Variants in TTLL7 observed in about 807,000 individuals in gnomAD.
The protein encoded by TTLL7 is tubulin tyrosine ligase like 7, also known as tubulin polyglutamylase TTLL7.
A neutral mutation model predicts 120.2 loss-of-function variants in TTLL7; 53 were observed. That is an observed-to-expected ratio of 0.44 (90% CI 0.35 to 0.55). The LOEUF (loss-of-function observed/expected upper bound fraction) is 0.55. Among genes scored for constraint, TTLL7 ranks in the 20% least tolerant of loss-of-function variants. The pLI is 0.00. For missense variants in TTLL7, 803 were observed against 1,054.7 expected (o/e 0.76, Z 3.31); for synonymous variants, 353 against 351.7 (o/e 1.00, Z -0.04).
At position 83,921,361 on chromosome 1, in the gene TTLL7, T is replaced by G; in HGVS notation, c.1176A>C (p.Gln392His). 1 of 1,611,886 alleles carries G rather than the reference T, an allele frequency of 6.2e-7. No homozygotes were observed. Residue 392 changes from glutamine to histidine, a missense_variant, in exon 11 of 21, where the codon CAA (glutamine) becomes CAC (histidine). Gln to His is a conservative substitution (Grantham distance 24). This residue lies in a region of TTLL7 where 324 missense variants were observed against 507.7 expected (regional missense o/e 0.64). Coordinates refer to ENST00000260505, the MANE Select transcript of TTLL7 (RefSeq NM_024686.6). The stretch of plus-strand genomic sequence containing the variant: ...AGAGCCTCCTTTGAGCCTCAGCTTT[T>G]TGTTTGGCCAAGTTTCTTCTTTTGT... ...TSDKRRNLAK[Q>H]KAEAQRRLYG...
rs1659785263 is a variant in TTLL7, at chr1:83,933,640, A to G, written c.1015T>C (p.Leu339=). 1 of 1,613,600 alleles carries G rather than the reference A, an allele frequency of 6.2e-7. No individual in the cohort carries two copies. Among genetic ancestry groups the G allele is most frequent in the Non-Finnish European group, 8.5e-7 (1 of 1,179,718 alleles). The change falls in exon 9 of 21, where the codon TTG becomes CTG. Residue 339 remains leucine (L), a synonymous_variant. Coordinates refer to ENST00000260505, the MANE Select transcript of TTLL7 (RefSeq NM_024686.6). ...AGCCATGGCTTTAGTTTTCTATCCA[A>G]CAAAATATCAAATCCCAGGACTTCA... ...CFEVLGFDIL[L]DRKLKPWLLE...
At chr1:83,971,003 G>T (rs948667837) in intron 1 of TTLL7, among the ~76,000 whole-genome samples, 1 of 151,990 alleles carries the variant, frequency 6.6e-6, no homozygotes, top group Non-Finnish European at 1.5e-5. Context: ...TCTTCTGGGA[G>T]GGGGAAGGGA....
At position 83,883,075 on chromosome 1, in the gene TTLL7, A is replaced by G; in HGVS notation, c.2431T>C (p.Cys811Arg). The G allele has an allele frequency of 6.2e-7, 1 of 1,612,432 alleles. No individual in the cohort carries two copies. Among genetic ancestry groups the G allele is most frequent in the Non-Finnish European group, 8.5e-7 (1 of 1,179,082 alleles). Residue 811 changes from cysteine to arginine, a missense_variant, in exon 20 of 21, where the codon TGT becomes CGT. This residue lies in a region of TTLL7 where 388 missense variants were observed against 450.4 expected (regional missense o/e 0.86). Transcript: ENST00000260505. Reference sequence around the variant, plus strand: ...CAAAGCTCCACTAGGCGCTGGCAACACTGGAGCTGCAAAGGAGTCACCACC... The same window carrying G: ...CAAAGCTCCACTAGGCGCTGGCAACGCTGGAGCTGCAAAGGAGTCACCACC... ...PEVVTPLQLQCCQRLVELCKQ... is the reference protein window; with the variant it reads ...PEVVTPLQLQRCQRLVELCKQ...
chr1:83,990,899 T>C (rs1652934590), intron 1 of TTLL7, among the ~76,000 whole-genome samples: 2 of 152,182 alleles, frequency 1.3e-5, no homozygotes, highest in South Asian at 4.1e-4. Context: ...TGCATGCCCA[T>C]GTTCATAGAA....
intron 20 of TTLL7, among the ~76,000 whole-genome samples, chr1:83,871,336 A>C (rs1288688141): frequency 6.6e-6 from 1 of 152,188 alleles, no homozygotes; most frequent in Non-Finnish European, 1.5e-5. Flanking sequence ...TTTCCTGTGA[A>C]AAATCTTGAC....
chr1:83,909,801 T>A (rs531391001), intron 15 of TTLL7, among the ~76,000 whole-genome samples: 1 of 152,074 alleles, frequency 6.6e-6, no homozygotes, highest in African/African-American at 2.4e-5. Flanking sequence ...TCATCCCCCA[T>A]CAGTTCATGC....
At chr1:83,934,064 CAG>C (rs767125489) in intron 8 of TTLL7, among the ~76,000 whole-genome samples, 6 of 152,264 alleles carry the variant, frequency 3.9e-5, no homozygotes, top group African/African-American at 4.8e-5. Context: ...CTTAGACATT[CAG>C]AGAGGCCTTC....
At chr1:83,970,718 C>T (rs908248851) in intron 1 of TTLL7, among the ~76,000 whole-genome samples, 5 of 152,000 alleles carry the variant, frequency 3.3e-5, no homozygotes, top group African/African-American at 9.7e-5. Context: ...CAGAAATAAA[C>T]CTTGATATGA....
intron 1 of TTLL7, among the ~76,000 whole-genome samples, chr1:83,961,527 C>G (rs1650018585): frequency 6.6e-6 from 1 of 152,004 alleles, no homozygotes; most frequent in Non-Finnish European, 1.5e-5. Context: ...AGCATACCTT[C>G]AAGGCATTTT....
At chr1:83,889,874 A>AT in intron 19 of TTLL7, 4 of 456,180 alleles carry the variant, frequency 8.8e-6, no homozygotes, top group South Asian at 6.2e-5. Flanking sequence ...TGACTGAGAG[A>AT]ATAATAATAG....
At chr1:83,894,759 T>C (rs1248149123) in intron 18 of TTLL7, among the ~76,000 whole-genome samples, 1 of 152,062 alleles carries the variant, frequency 6.6e-6, no homozygotes, top group African/African-American at 2.4e-5. Context: ...ATTTCCCAGA[T>C]TGGTGAGACT....
chr1:83,904,063 T>A lies in TTLL7; in HGVS notation c.2208+16A>T, dbSNP rs373057730. 1 of 1,606,264 alleles carries A rather than the reference T, an allele frequency of 6.2e-7. No individual in the cohort carries two copies. The highest frequency in any genetic ancestry group is 1.3e-5 in the African/African-American group (1 of 74,684). ...ATAATCCAAGAGGGAAAAAACTTGT[T>A]TTGAGCATTACTCACTTTTCGTTGT... On this transcript the variant is annotated intron_variant, in intron 18 of 20. Coordinates refer to ENST00000260505, the MANE Select transcript of TTLL7 (RefSeq NM_024686.6).
chr1:83,882,252 AAAT>A lies in TTLL7; in HGVS notation c.2543+708_2543+710del, dbSNP rs373994232. On this transcript the variant is annotated intron_variant, in intron 20 of 20. Transcript: ENST00000260505. ...TTAAAGTATAATAATAATAAAATAAAAATAATAATAATAATAATTAAATAAAAC... is the reference window on the plus strand; with the variant it reads ...TTAAAGTATAATAATAATAAAATAAAAATAATAATAATAATTAAATAAAAC... 2.1e-3 allele frequency among the ~76,000 whole-genome samples: 313 copies of A among 149,634 alleles called. 1 individual carries two copies. The highest frequency in any genetic ancestry group is 3.2e-3 in the African/African-American group (132 of 41,086).
chr1:83,981,086 G>A (rs1412766316), intron 1 of TTLL7: 1 of 150,748 alleles, frequency 6.6e-6, no homozygotes, highest in Non-Finnish European at 1.5e-5. Context: ...CCACAGAAAG[G>A]CAAGAAAAAG....
intron 1 of TTLL7, among the ~76,000 whole-genome samples, chr1:83,965,088 G>A (rs577505398): frequency 1.4e-5 from 2 of 147,904 alleles, no homozygotes; most frequent in South Asian, 4.5e-4. Context: ...TTCTGAAAGA[G>A]GTCATCAATC....
At chr1:83,898,299 A>T (rs530686018) in intron 18 of TTLL7, among the ~76,000 whole-genome samples, 2 of 152,134 alleles carry the variant, frequency 1.3e-5, no homozygotes, top group East Asian at 3.9e-4. Flanking sequence ...TGACATGGGG[A>T]ACCTTAGTAC....
chr1:83,964,904 T>C (rs1650315504), intron 1 of TTLL7, among the ~76,000 whole-genome samples: 2 of 152,084 alleles, frequency 1.3e-5, no homozygotes, highest in Admixed American at 1.3e-4. Context: ...GGATTTAAAT[T>C]TACTATTTTT....
intron 1 of TTLL7, among the ~76,000 whole-genome samples, chr1:83,953,525 T>C (rs571496207): frequency 6.6e-6 from 1 of 152,288 alleles, no homozygotes; most frequent in East Asian, 1.9e-4. Context: ...TGTTCTCAGG[T>C]ATCATTTTTA....
intron 1 of TTLL7, among the ~76,000 whole-genome samples, chr1:83,987,297 G>A (rs1290259659): frequency 1.3e-5 from 2 of 151,754 alleles, no homozygotes. Flanking sequence ...AAATCCTGAT[G>A]AAAGAAATCA....
Sources: gnomAD v4.1 joint callset for allele counts (sites outside exome capture counted in the v4.1 genomes callset) on GRCh38, gnomAD v4.1.1 for gene constraint, gnomAD v4.1.1 regional missense constraint, MANE v1.5 for transcripts, NCBI Gene and HGNC (gene_info 2026-07-23, HGNC 2026-07-21) for gene names.